The following TSC2 variants were observed in gnomAD, a reference collection of about 807,000 sequenced individuals.
The protein encoded by TSC2 is tuberin.
TSC2 carries 29 observed loss-of-function variants against 202.2 expected under a neutral mutation model. That is an observed-to-expected ratio of 0.14 (90% CI 0.11 to 0.20). TSC2 has a LOEUF of 0.20. TSC2 is among the 10% of genes least tolerant of loss of function. The pLI is 1.00. For synonymous variants in TSC2, 1,349 were observed against 1,044.0 expected (o/e 1.29, Z -5.63); for missense variants, 2,429 against 2,420.0 (o/e 1.00, Z -0.08).
rs2151577296 is a variant in TSC2 at position 2,086,388 on chromosome 16, T to C, written c.4849+9T>C. On this transcript the variant is annotated intron_variant, in intron 37 of 41. Transcript: ENST00000219476. The stretch of plus-strand genomic sequence containing the variant: ...CGATGACATCATGCAAGGTACGGCC[T>C]GGCGCCTACCCGCTCCTGCTGCCCC... The C allele has an allele frequency of 6.2e-7, 1 of 1,611,534 alleles. No individual in the cohort carries two copies. The highest frequency in any genetic ancestry group is 8.5e-7 in the Non-Finnish European group (1 of 1,179,412).
Position 2,066,655 on chromosome 16 carries a change from T to G in TSC2, c.1716+1020T>G, listed in dbSNP as rs970560538. ...CATGTAAGGGTTCTGATTTATCTTT[T>G]TTTTTTTTTTTTTTTTTTTTGATAC... On this transcript the variant is annotated intron_variant, in intron 16 of 41. Transcript: ENST00000219476. Among the ~76,000 whole-genome samples, 117 of 142,200 alleles carry G rather than the reference T, an allele frequency of 8.2e-4. 1 individual carries two copies. Among genetic ancestry groups the G allele is most frequent in the African/African-American group, 2.9e-3 (107 of 36,908 alleles). 93.3% of individuals were successfully genotyped at this position (142,200 alleles called of 152,430 possible).
intron 31 of TSC2, 65 bp from the exon 32 acceptor site, chr16:2,082,371 C>G: frequency 1.3e-6 from 2 of 1,582,326 alleles, no homozygotes; most frequent in Non-Finnish European, 1.7e-6. Context: ...GGCCTGTGCT[C>G]TCTGCTCGAC....
At chr16:2,057,776 GC>G (rs770710941) in intron 9 of TSC2, among the ~76,000 whole-genome samples, 4 of 145,040 alleles carry the variant, frequency 2.8e-5, no homozygotes, top group African/African-American at 1.0e-4. Flanking sequence ...CCCTGCCTCA[GC>G]CCTGCATCTC....
intron 36 of TSC2, 149 bp from the exon 37 acceptor site, chr16:2,086,044 T>C: frequency 1.1e-6 from 1 of 907,012 alleles, no homozygotes; most frequent in East Asian, 2.6e-5. Context: ...ACCCGATGTC[T>C]GGCCTGGGTG....
intron 22 of TSC2, chr16:2,074,630 C>G (rs1191050912): frequency 1.2e-5 from 7 of 581,110 alleles, no homozygotes; most frequent in Non-Finnish European, 2.2e-5. Context: ...AAGCCTCTTC[C>G]CCCCCGAGCA....
At chr16:2,072,517 G>A in intron 20 of TSC2, 154 bp downstream of exon 20, 1 of 1,263,104 alleles carries the variant, frequency 7.9e-7, no homozygotes. Context: ...TGTGCCTTGG[G>A]CAGGGTGGAG....
At position 2,088,881 on chromosome 16, in the gene TSC2, G is replaced by GCGCGCACACACACACACACACACA. The variant is rs142285430; in HGVS notation, c.*272_*273insGCGCACACACACACACACACACAC. The GCGCGCACACACACACACACACACA allele has an allele frequency of 6.2e-5, 26 of 421,374 alleles. 1 individual carries two copies. Among genetic ancestry groups the GCGCGCACACACACACACACACACA allele is most frequent in the African/African-American group, 5.4e-4 (24 of 44,574 alleles). 26.1% of individuals were successfully genotyped at this position (421,374 alleles called of 1,614,324 possible). On this transcript the variant is annotated 3_prime_UTR_variant, in exon 42 of 42. Transcript: ENST00000219476. ...ACAGCACACTCGCGCGTGCGCGCGC[G>GCGCGCACACACACACACACACACA]CACACACACACACACACAGTCACCT...
intron 36 of TSC2, among the ~76,000 whole-genome samples, 173 bp from the exon 37 acceptor site, chr16:2,086,020 G>C (rs1486111951): frequency 6.6e-6 from 1 of 152,180 alleles, no homozygotes; most frequent in African/African-American, 2.4e-5. Flanking sequence ...GGAAGAGAGG[G>C]AGTCAAGGAT....
At chr16:2,070,655 G>T in intron 17 of TSC2, 77 bp downstream of exon 17, 2 of 1,604,272 alleles carry the variant, frequency 1.2e-6, no homozygotes, top group Non-Finnish European at 8.5e-7. Context: ...GTGGTTCCTG[G>T]AAGCTGCAGA....
rs779951754 is a variant in TSC2, at chr16:2,061,933, G to A, written c.1182G>A (p.Leu394=). ...VHDLLTTVEE[L]CDQNEFHGSQ... Reference sequence around the variant, plus strand: ...ACCTGTTGACCACGGTGGAGGAGCTGTGTGACCAGAACGAGTTCCACGGGT... The same window carrying A: ...ACCTGTTGACCACGGTGGAGGAGCTATGTGACCAGAACGAGTTCCACGGGT... The change falls in exon 12 of 42, where the codon CTG becomes CTA. Residue 394 remains leucine (L), a synonymous_variant. Coordinates refer to ENST00000219476, the MANE Select transcript of TSC2 (RefSeq NM_000548.5). 1.9e-6 allele frequency: 3 copies of A among 1,614,204 alleles called. No individual in the cohort carries two copies. Among genetic ancestry groups the A allele is most frequent in the Non-Finnish European group, 2.5e-6 (3 of 1,180,040 alleles).
Position 2,071,622 on chromosome 16 carries a change from C to T in TSC2, c.1946+6C>T, listed in dbSNP as rs754069880. The T allele has an allele frequency of 1.6e-5, 26 of 1,613,136 alleles. No homozygotes were observed. The East Asian group carries it at 2.2e-4, about 14-fold the overall frequency. The stretch of plus-strand genomic sequence containing the variant: ...TACTGCGTCTGCGACTACATGTACG[C>T]GGGACCTCGCCCACGGCCCATGAGG... On this transcript the variant is annotated splice_donor_region_variant and intron_variant, in intron 18 of 41. Transcript: ENST00000219476.
chr16:2,076,268 G>A (rs1432101361), intron 24 of TSC2, 98 bp downstream of exon 24: 1 of 1,578,746 alleles, frequency 6.3e-7, no homozygotes, highest in South Asian at 1.1e-5. Flanking sequence ...GCAGGTGGAG[G>A]GCAGTGGGAG....
intron 32 of TSC2, 41 bp from the exon 33 acceptor site, chr16:2,083,654 G>A (rs1178172969): frequency 6.4e-7 from 1 of 1,558,624 alleles, no homozygotes; most frequent in South Asian, 1.2e-5. Flanking sequence ...CCAGGGCCTG[G>A]CCCAGCCCCA....
At chr16:2,073,692 C>T (rs1014196967) in intron 21 of TSC2, among the ~76,000 whole-genome samples, 8 of 152,360 alleles carry the variant, frequency 5.3e-5, no homozygotes, top group Admixed American at 5.2e-4. Context: ...AAAGCATAGC[C>T]AGCCTTGCTG....
At chr16:2,075,705 A>G in intron 22 of TSC2, 94 bp from the exon 23 acceptor site, 2 of 1,347,168 alleles carry the variant, frequency 1.5e-6, no homozygotes, top group Non-Finnish European at 1.0e-6. Context: ...CCTCTGCAGC[A>G]CCCCATCGCT....
intron 20 of TSC2, 38 bp from the exon 21 acceptor site, chr16:2,072,811 C>T (rs558030805): frequency 2.3e-5 from 37 of 1,612,944 alleles, no homozygotes; most frequent in African/African-American, 9.3e-5. Flanking sequence ...GTGACCTGGC[C>T]GCTGGGGAGA....
Position 2,074,230 on chromosome 16 carries a change from C to T in TSC2, c.2386C>T (p.Leu796Phe), listed in dbSNP as rs1596356291. The T allele has an allele frequency of 6.2e-7, 1 of 1,612,184 alleles. No homozygotes were observed. The highest frequency in any genetic ancestry group is 8.5e-7 in the Non-Finnish European group (1 of 1,179,990). ...REMVYCLEQG[L>F]IHRCASQCVV... ...GATGGTCTACTGCCTGGAGCAGGGC[C>T]TCATCCACCGCTGTGCCAGCCAGTG... Residue 796 changes from leucine to phenylalanine, a missense_variant, in exon 22 of 42, where the codon CTC becomes TTC. By Grantham distance (22) the Leu-to-Phe change is conservative (BLOSUM62 0). Transcript: ENST00000219476.
chr16:2,063,217 C>A, intron 14 of TSC2, 164 bp downstream of exon 14: 2 of 839,360 alleles, frequency 2.4e-6, no homozygotes, highest in Non-Finnish European at 3.8e-6. Flanking sequence ...TGTTCATTCA[C>A]TGGCTTGCTC....
At chr16:2,052,609 C>T (rs1428376370) in intron 3 of TSC2, among the ~76,000 whole-genome samples, 1 of 151,970 alleles carries the variant, frequency 6.6e-6, no homozygotes, top group Non-Finnish European at 1.5e-5. Flanking sequence ...CGCACTTGGC[C>T]AGAACACGGC....
Sources: allele counts gnomAD v4.1 joint callset (sites outside exome capture counted in the v4.1 genomes callset), GRCh38; gene constraint gnomAD v4.1.1; transcripts MANE v1.5; gene names NCBI Gene and HGNC (gene_info 2026-07-23, HGNC 2026-07-21).